EXOC3: variants seen among roughly 807,000 people sequenced by gnomAD.
EXOC3 encodes exocyst complex component 3.
In EXOC3, 21 loss-of-function variants were observed where a neutral mutation model predicts 73.7. The observed-to-expected ratio is 0.29, with a 90% CI of 0.20 to 0.41. The LOEUF (loss-of-function observed/expected upper bound fraction) is 0.41. Among genes scored for constraint, EXOC3 ranks in the 10% least tolerant of loss-of-function variants. The probability of loss-of-function intolerance (pLI) is 1.00; values close to 1 mark genes in which losing one functional copy is unlikely to be tolerated. For synonymous variants in EXOC3, 410 were observed against 389.1 expected (o/e 1.05, Z -0.63); for missense variants, 842 against 985.1 (o/e 0.85, Z 1.95).
In EXOC3 at chr5:447,576, G is replaced by T; in HGVS notation, c.188G>T (p.Ser63Ile). 6.3e-7 allele frequency: 1 copy of T among 1,590,306 alleles called. No individual in the cohort carries two copies. Among genetic ancestry groups the T allele is most frequent in the South Asian group, 1.1e-5 (1 of 87,262 alleles). ...TTGGACGGGGTGCGCACAGGCCTCAGCCAGCTCCACAACGCCCTGAATGAC... is the reference window on the plus strand; with the variant it reads ...TTGGACGGGGTGCGCACAGGCCTCATCCAGCTCCACAACGCCCTGAATGAC... ...SQLDGVRTGL[S>I]QLHNALNDVK... The change falls in exon 3 of 13, where the codon AGC (serine) becomes ATC (isoleucine). Residue 63 changes from serine to isoleucine, a missense_variant. Coordinates refer to ENST00000512944, the MANE Select transcript of EXOC3 (RefSeq NM_007277.5).
Position 447,678 on chromosome 5 carries a change from A to G in EXOC3, c.290A>G (p.Lys97Arg), listed in dbSNP as rs1324962726. ...RQSINTIESL[K>R]DVKDAVVQHS... The stretch of plus-strand genomic sequence containing the variant: ...AGCATCAACACCATTGAGAGCCTCA[A>G]GGACGTCAAAGACGCCGTGGTGCAG... The change falls in exon 3 of 13, where the codon AAG becomes AGG. Residue 97 changes from lysine to arginine, a missense_variant. Coordinates refer to ENST00000512944, the MANE Select transcript of EXOC3 (RefSeq NM_007277.5). The G allele has an allele frequency of 2.5e-6, 4 of 1,590,712 alleles. No homozygotes were observed. The highest frequency in any genetic ancestry group is 3.4e-6 in the Non-Finnish European group (4 of 1,168,452).
chr5:446,205 C>G lies in EXOC3; in HGVS notation c.-1C>G. On this transcript the variant is annotated 5_prime_UTR_variant, in exon 2 of 13. Coordinates refer to ENST00000512944, the MANE Select transcript of EXOC3 (RefSeq NM_007277.5). ...GTGAGGATTCCACCAGCTTTTTCAC[C>G]ATGAAGGAGACAGACCGGGAGGCCG... 3 of 1,613,960 alleles carry G rather than the reference C, an allele frequency of 1.9e-6. No homozygotes were observed. In the African/African-American group the frequency reaches 4.0e-5, roughly 22 times the overall value.
chr5:457,357 G>A (rs1737853105), intron 5 of EXOC3: 1 of 305,930 alleles, frequency 3.3e-6, no homozygotes, highest in African/African-American at 2.1e-5. Flanking sequence ...GGACCAAAGG[G>A]CGAGTCCATT....
rs910625876 is a variant in EXOC3, at chr5:447,616, G to A, written c.228G>A (p.Gln76=). ...CCCTGAATGACGTCAAAGACATCCA[G>A]CAGTCGCTGGCAGACGTCAGCAAGG... The part of the protein sequence containing the change: ...HNALNDVKDI[Q]QSLADVSKDW... The change falls in exon 3 of 13, where the codon CAG becomes CAA. Residue 76 remains glutamine, a synonymous_variant. Coordinates refer to ENST00000512944, the MANE Select transcript of EXOC3 (RefSeq NM_007277.5). The A allele has an allele frequency of 1.3e-5, 20 of 1,583,970 alleles. No homozygotes were observed. Among genetic ancestry groups the A allele is most frequent in the Middle Eastern group, 1.7e-4 (1 of 6,060 alleles).
At chr5:460,135 G>A (rs983729599) in intron 7 of EXOC3, among the ~76,000 whole-genome samples, 2 of 152,208 alleles carry the variant, frequency 1.3e-5, no homozygotes, top group Admixed American at 6.5e-5. Flanking sequence ...CGGTGACTCC[G>A]TGGGGTCATC....
intron 6 of EXOC3, among the ~76,000 whole-genome samples, chr5:458,584 G>T (rs919216551): frequency 3.3e-5 from 5 of 152,178 alleles, no homozygotes; most frequent in Admixed American, 6.5e-5. Context: ...TTTTTACCAC[G>T]GATTCACTTT....
chr5:462,016 C>A lies in EXOC3; in HGVS notation c.1448C>A (p.Pro483His). ...GAGCACCTGAGGAATCGGCAGCACC[C>A]TCACTGCTACGTTCAGTACATGATC... ...KEEHLRNRQHPHCYVQYMIAI... is the reference protein window; with the variant it reads ...KEEHLRNRQHHHCYVQYMIAI... The change falls in exon 8 of 13, where the codon CCT becomes CAT. Residue 483 changes from proline to histidine, a missense_variant. By Grantham distance (77) the Pro-to-His change is moderately conservative (BLOSUM62 -2). Transcript: ENST00000512944. 6.2e-7 allele frequency: 1 copy of A among 1,607,806 alleles called. No individual in the cohort carries two copies. The highest frequency in any genetic ancestry group is 2.2e-5 in the East Asian group (1 of 44,632).
intron 1 of EXOC3, among the ~76,000 whole-genome samples, chr5:443,857 CCAGGTGTCCCTCGTCGGAG>C (rs1346335121): frequency 6.6e-6 from 1 of 150,516 alleles, no homozygotes; most frequent in Non-Finnish European, 1.5e-5. Context: ...CCCCCTCGGA[CCAGGTGTCCCTCGTCGGAG>C]CAGGTGTCCT....
At chr5:457,035 AC>A in intron 5 of EXOC3, 29 bp downstream of exon 5, 2 of 1,508,416 alleles carry the variant, frequency 1.3e-6, no homozygotes, top group Non-Finnish European at 1.8e-6. Flanking sequence ...CGTGCCACAG[AC>A]CACCGTGCTG....
chr5:453,664 A>C lies in EXOC3; in HGVS notation c.659A>C (p.Glu220Ala), dbSNP rs1560936874. Residue 220 changes from glutamate to alanine, a missense_variant, in exon 4 of 13, where the codon GAG (glutamate) becomes GCG (alanine). Glu to Ala is a moderately radical substitution (Grantham distance 107). Transcript: ENST00000512944. ...VSVVRIIERE[E>A]KIDRRILDRK... The stretch of plus-strand genomic sequence containing the variant: ...GTTGTCAGGATCATTGAAAGGGAAG[A>C]GAAAATTGACAGGCGCATACTTGAC... The C allele has an allele frequency of 6.2e-7, 1 of 1,613,986 alleles. No individual in the cohort carries two copies.
At chr5:464,078 C>T (rs571805919) in intron 9 of EXOC3, among the ~76,000 whole-genome samples, 2 of 152,282 alleles carry the variant, frequency 1.3e-5, no homozygotes, top group East Asian at 3.9e-4. Flanking sequence ...CCCACACGCA[C>T]TCAGTGCTCG....
At chr5:446,828 G>T (rs1737522202) in intron 2 of EXOC3, among the ~76,000 whole-genome samples, 1 of 139,352 alleles carries the variant, frequency 7.2e-6, no homozygotes, top group Non-Finnish European at 1.7e-5. Context: ...TTGCATTCCA[G>T]CCTGGGCAAC....
intron 2 of EXOC3, 126 bp downstream of exon 2, chr5:446,475 G>A (rs1422079686): frequency 4.6e-6 from 4 of 866,530 alleles, no homozygotes; most frequent in Non-Finnish European, 5.2e-6. Context: ...GGACTTTCTT[G>A]AGCAGTTACT....
At chr5:465,657 A>G in intron 11 of EXOC3, 61 bp from the exon 12 acceptor site, 2 of 1,603,264 alleles carry the variant, frequency 1.2e-6, no homozygotes, top group South Asian at 2.2e-5. Context: ...GCCAGAATCC[A>G]GCTGCTCCCA....
chr5:462,944 C>T (rs1738032887), intron 9 of EXOC3, among the ~76,000 whole-genome samples: 1 of 152,116 alleles, frequency 6.6e-6, no homozygotes, highest in Non-Finnish European at 1.5e-5. Context: ...CATCTCTACT[C>T]AAAATACAAA....
At chr5:455,022 A>C (rs59027976) in intron 4 of EXOC3, among the ~76,000 whole-genome samples, 10,928 of 152,174 alleles carry the variant, frequency 0.072, 506 homozygotes, top group Admixed American at 0.13. Context: ...GCTCTGTGCA[A>C]TGGTGGCTCT....
intron 9 of EXOC3, 79 bp downstream of exon 9, chr5:462,386 T>A: frequency 6.5e-7 from 1 of 1,527,144 alleles, no homozygotes; most frequent in East Asian, 2.3e-5. Context: ...ACACAGGCTG[T>A]GAACTGTACC....
chr5:463,519 G>C (rs1305379206), intron 9 of EXOC3, among the ~76,000 whole-genome samples: 1 of 152,188 alleles, frequency 6.6e-6, no homozygotes, highest in Non-Finnish European at 1.5e-5. Context: ...CTTGTTGAGG[G>C]TGTGGGAAAA....
intron 3 of EXOC3, among the ~76,000 whole-genome samples, chr5:451,076 C>T (rs1215218594): frequency 1.3e-5 from 2 of 152,116 alleles, no homozygotes; most frequent in African/African-American, 2.4e-5. Context: ...GAAGGGACTT[C>T]TGTCATTTTG....
Sources: allele counts gnomAD v4.1 joint callset (sites outside exome capture counted in the v4.1 genomes callset), GRCh38; gene constraint gnomAD v4.1.1; transcripts MANE v1.5; gene names NCBI Gene and HGNC (gene_info 2026-07-23, HGNC 2026-07-21).